Variants in PDE7A observed in about 807,000 individuals in gnomAD.
The protein encoded by PDE7A is phosphodiesterase 7A, also known as high affinity 3',5'-cyclic-AMP phosphodiesterase 7A.
PDE7A carries 39 observed loss-of-function variants against 64.3 expected under a neutral mutation model. The ratio of observed to expected loss-of-function variants is 0.61; its 90% CI spans 0.47 to 0.79. The LOEUF is 0.79. Among genes scored for constraint, PDE7A ranks in the 30% least tolerant of loss-of-function variants. The pLI, the probability that PDE7A is intolerant of heterozygous loss-of-function variation, is 0.00. For synonymous variants in PDE7A, 203 were observed against 206.8 expected (o/e 0.98, Z 0.16); for missense variants, 470 against 582.8 (o/e 0.81, Z 1.99).
intron 1 of PDE7A, 99 bp downstream of exon 1, chr8:65,841,272 C>T: frequency 7.8e-7 from 1 of 1,286,490 alleles, no homozygotes; most frequent in Non-Finnish European, 1.0e-6. Flanking sequence ...AGACAATGGA[C>T]AATGCGCGGG....
intron 3 of PDE7A, among the ~76,000 whole-genome samples, chr8:65,752,938 T>C (rs909525150): frequency 2.6e-5 from 4 of 152,208 alleles, no homozygotes; most frequent in African/African-American, 9.6e-5. Flanking sequence ...CTTTCCATGA[T>C]ATATTTAAAT....
At chr8:65,739,456 G>T in intron 6 of PDE7A, 46 bp downstream of exon 6, 3 of 1,505,476 alleles carry the variant, frequency 2.0e-6, no homozygotes, top group Non-Finnish European at 2.6e-6. Flanking sequence ...ACAGGTTCTT[G>T]TATAAATGTA....
intron 2 of PDE7A, among the ~76,000 whole-genome samples, chr8:65,781,385 T>C (rs1187535920): frequency 6.6e-6 from 1 of 152,066 alleles, no homozygotes; most frequent in Non-Finnish European, 1.5e-5. Flanking sequence ...TGCTGGACCT[T>C]TGTGGCCATC....
chr8:65,776,244 C>T (rs1186723295), intron 3 of PDE7A, among the ~76,000 whole-genome samples: 1 of 152,194 alleles, frequency 6.6e-6, no homozygotes, highest in Non-Finnish European at 1.5e-5. Context: ...TTCATTACCA[C>T]ACTTGTCACA....
rs1278631350 is a variant in PDE7A at position 65,715,400 on chromosome 8, CAG to C, written c.*3888_*3889del. Reference sequence around the variant, plus strand: ...AAAAGTTTTTTTTTTTTTTTTGAGACAGAGTCTTGCTCTGTCACCTAGGCTGG... The same window carrying C: ...AAAAGTTTTTTTTTTTTTTTTGAGACAGTCTTGCTCTGTCACCTAGGCTGG... On this transcript the variant is annotated 3_prime_UTR_variant, in exon 13 of 13. Transcript: ENST00000401827. Among the ~76,000 whole-genome samples the C allele has an allele frequency of 1.4e-5, 2 of 147,036 alleles. No homozygotes were observed. The highest frequency in any genetic ancestry group is 5.0e-5 in the African/African-American group (2 of 39,892).
intron 6 of PDE7A, among the ~76,000 whole-genome samples, chr8:65,737,370 G>C (rs1253146806): frequency 1.3e-5 from 2 of 152,062 alleles, no homozygotes; most frequent in Admixed American, 1.3e-4. Flanking sequence ...ATAATTGCCA[G>C]TATAGCTACT....
At chr8:65,840,034 T>A (rs547109916) in intron 1 of PDE7A, among the ~76,000 whole-genome samples, 4 of 152,314 alleles carry the variant, frequency 2.6e-5, no homozygotes, top group African/African-American at 9.6e-5. Flanking sequence ...AACCTTTAAC[T>A]ACTACTATTA....
At chr8:65,789,143 G>A (rs934972771) in intron 1 of PDE7A, 9 of 1,072,356 alleles carry the variant, frequency 8.4e-6, no homozygotes, top group South Asian at 5.5e-5. Flanking sequence ...CTTACCCAGC[G>A]CATGCTTCAT....
chr8:65,782,948 A>C (rs1341169350), intron 1 of PDE7A, 105 bp from the exon 2 acceptor site: 3 of 691,808 alleles, frequency 4.3e-6, no homozygotes, highest in Non-Finnish European at 7.4e-6. Context: ...GCACTGTGCA[A>C]GAGAAGTTGG....
chr8:65,745,176 T>C (rs1807617818), intron 5 of PDE7A, among the ~76,000 whole-genome samples: 2 of 152,224 alleles, frequency 1.3e-5, no homozygotes, highest in Admixed American at 1.3e-4. Flanking sequence ...TCCACCATGA[T>C]TGTGAGGCCT....
At chr8:65,816,398 A>T (rs1314821998) in intron 1 of PDE7A, among the ~76,000 whole-genome samples, 1 of 152,236 alleles carries the variant, frequency 6.6e-6, no homozygotes, top group South Asian at 2.1e-4. Context: ...GAGAAAAAAT[A>T]TATTTATAGT....
At chr8:65,751,774 G>A (rs1479587455) in intron 3 of PDE7A, among the ~76,000 whole-genome samples, 1 of 152,180 alleles carries the variant, frequency 6.6e-6, no homozygotes, top group Non-Finnish European at 1.5e-5. Context: ...TTACAGGCGT[G>A]AGCCACTGCG....
chr8:65,720,666 C>T (rs929286359), intron 12 of PDE7A: 1 of 152,250 alleles, frequency 6.6e-6, no homozygotes, highest in Non-Finnish European at 1.5e-5. Flanking sequence ...TACTATGTCC[C>T]CGGCACTATG....
At position 65,721,159 on chromosome 8, in the gene PDE7A, T is replaced by A. The variant is rs144368102; in HGVS notation, c.1244-1664A>T. On this transcript the variant is annotated intron_variant, in intron 12 of 12. Coordinates refer to ENST00000401827, the MANE Select transcript of PDE7A (RefSeq NM_001242318.3). The stretch of plus-strand genomic sequence containing the variant: ...TGTTAATTAGTACCTCGAACACAGC[T>A]GTTCAACCATTTGTGACTCCATTTA... 3.1e-3 allele frequency among the ~76,000 whole-genome samples: 468 copies of A among 152,350 alleles called. 2 individuals are homozygous for A. The highest frequency in any genetic ancestry group is 0.011 in the African/African-American group (451 of 41,580).
intron 1 of PDE7A, among the ~76,000 whole-genome samples, chr8:65,829,443 G>C (rs1331636319): frequency 6.6e-6 from 1 of 152,008 alleles, no homozygotes; most frequent in Admixed American, 6.6e-5. Context: ...CGATTACTGG[G>C]CCATAAACAG....
chr8:65,768,789 T>C (rs1808926875), intron 3 of PDE7A, among the ~76,000 whole-genome samples: 1 of 152,206 alleles, frequency 6.6e-6, no homozygotes, highest in Non-Finnish European at 1.5e-5. Flanking sequence ...ACTCATAAAC[T>C]ATGTAAATAT....
At chr8:65,775,737 C>T (rs1367665634) in intron 3 of PDE7A, among the ~76,000 whole-genome samples, 2 of 152,234 alleles carry the variant, frequency 1.3e-5, no homozygotes, top group Admixed American at 1.3e-4. Flanking sequence ...GAGTGATTCT[C>T]CTGCCTCAGC....
At chr8:65,800,033 C>T (rs75857935) in intron 1 of PDE7A, among the ~76,000 whole-genome samples, 8,690 of 152,172 alleles carry the variant, frequency 0.057, 356 homozygotes, top group Middle Eastern at 0.11. Flanking sequence ...CTAACTAGAA[C>T]AAGAAGGTAA....
At chr8:65,766,959 T>C (rs1808818649) in intron 3 of PDE7A, among the ~76,000 whole-genome samples, 1 of 152,028 alleles carries the variant, frequency 6.6e-6, no homozygotes, top group Non-Finnish European at 1.5e-5. Context: ...AATGCCAACA[T>C]TTTCAGTTTA....
Sources: gnomAD v4.1 joint callset for allele counts (sites outside exome capture counted in the v4.1 genomes callset) on GRCh38, gnomAD v4.1.1 for gene constraint, MANE v1.5 for transcripts, NCBI Gene and HGNC (gene_info 2026-07-23, HGNC 2026-07-21) for gene names.